SPATA4: variants seen among roughly 807,000 people sequenced by gnomAD.
SPATA4 encodes the protein spermatogenesis-associated protein 4.
In SPATA4, 35 loss-of-function variants were observed where a neutral mutation model predicts 31.8. The ratio of observed to expected loss-of-function variants is 1.10; its 90% CI spans 0.84 to 1.46. SPATA4 has a LOEUF of 1.46. Ranked by LOEUF, SPATA4 falls within the 40% of genes most tolerant of loss-of-function variation. The pLI is 0.00. For missense variants in SPATA4, 394 were observed against 363.1 expected (o/e 1.09, Z -0.69); for synonymous variants, 126 against 132.4 (o/e 0.95, Z 0.33).
Position 176,184,597 on chromosome 4 carries a change from A to G in SPATA4, c.*183T>C, listed in dbSNP as rs369423332. ...TAATTTATTTAATTTTGTATTTTCA[A>G]CAATGCCTGGCATAGGAGTTTAATA... On this transcript the variant is annotated 3_prime_UTR_variant, in exon 6 of 6. Transcript: ENST00000280191. The G allele has an allele frequency of 2.3e-5, 9 of 394,422 alleles. 1 individual carries two copies. The highest frequency in any genetic ancestry group is 1.4e-4 in the African/African-American group (7 of 48,542). The allele number at this position is 394,422 out of a possible 1,614,324, so 24.4% of individuals were successfully genotyped here.
chr4:176,195,428 C>A lies in SPATA4; in HGVS notation c.135G>T (p.Ala45=). 6.2e-6 allele frequency: 10 copies of A among 1,614,250 alleles called. No individual in the cohort carries two copies. Among genetic ancestry groups the A allele is most frequent in the Non-Finnish European group, 8.5e-6 (10 of 1,180,052 alleles). The stretch of plus-strand genomic sequence containing the variant: ...AACGAGACAAGCGGGAGCTCTTCGG[C>A]GCATGCGGATAGACCAGACACTTCT... ...RPKKCLVYPH[A]PKSSRLSRSV... The change falls in exon 1 of 6, where the codon GCG becomes GCT. Residue 45 remains alanine (A), a synonymous_variant. Transcript: ENST00000280191.
In SPATA4 at chr4:176,195,465, C is replaced by A. The variant is rs755355361; in HGVS notation, c.98G>T (p.Arg33Leu). 1.9e-6 allele frequency: 3 copies of A among 1,614,254 alleles called. No homozygotes were observed. The South Asian group carries it at 3.3e-5, about 18-fold the overall frequency. Residue 33 changes from arginine (R) to leucine (L), a missense_variant, in exon 1 of 6, where the codon CGA becomes CTA. Transcript: ENST00000280191. The part of the protein sequence containing the change: ...SLSPQLAAPI[R>L]GRPKKCLVYP... ...GACCAGACACTTCTTAGGCCTCCCT[C>A]GGATGGGAGCTGCTAGCTGTGGCGA...
chr4:176,193,774 T>A (rs746064640), intron 1 of SPATA4, 192 bp from the exon 2 acceptor site: 10 of 485,332 alleles, frequency 2.1e-5, no homozygotes, highest in Non-Finnish European at 3.4e-5. Context: ...GCTTTGGTGT[T>A]CTTTTGATGA....
intron 5 of SPATA4, among the ~76,000 whole-genome samples, chr4:176,185,532 T>C (rs1224621113): frequency 6.6e-6 from 1 of 152,194 alleles, no homozygotes; most frequent in East Asian, 1.9e-4. Context: ...TTCAGTGCCA[T>C]TATATGAAAT....
At position 176,188,045 on chromosome 4, in the gene SPATA4, G is replaced by A. The variant is rs181945963; in HGVS notation, c.805+74C>T. On this transcript the variant is annotated intron_variant, in intron 5 of 5. Transcript: ENST00000280191. ...ATACCAACATTTTAACTATTTAACC[G>A]TTTTTTAAAACTTTAATTGAAGAAA... 3.0e-4 allele frequency: 333 copies of A among 1,100,764 alleles called. 1 individual carries two copies. Among genetic ancestry groups the A allele is most frequent in the Admixed American group, 1.7e-3 (99 of 56,750 alleles). 68.2% of individuals were successfully genotyped at this position (1,100,764 alleles called of 1,614,324 possible). A position where few individuals can be genotyped will look rare whatever the true frequency, so the allele number is the denominator to read the frequency against.
intron 4 of SPATA4, among the ~76,000 whole-genome samples, chr4:176,191,200 A>G (rs550952460): frequency 2.4e-3 from 365 of 150,818 alleles, no homozygotes; most frequent in Non-Finnish European, 4.4e-3. Flanking sequence ...GGTTCAAGCC[A>G]TTCTCCTGCT....
At chr4:176,193,396 G>A in intron 2 of SPATA4, 57 bp downstream of exon 2, 1 of 1,578,288 alleles carries the variant, frequency 6.3e-7, no homozygotes, top group Non-Finnish European at 8.6e-7. Context: ...AAATTAGCAT[G>A]GCACACTTTA....
rs1473685216 is a variant in SPATA4 at position 176,188,179 on chromosome 4, G to C, written c.745C>G (p.Gln249Glu). 1.9e-6 allele frequency: 3 copies of C among 1,613,160 alleles called. No individual in the cohort carries two copies. The Admixed American group carries it at 5.0e-5, about 27-fold the overall frequency. Residue 249 changes from glutamine (Q) to glutamate (E), a missense_variant, in exon 5 of 6, where the codon CAA becomes GAA. Gln to Glu is a conservative substitution (Grantham distance 29). Coordinates refer to ENST00000280191, the MANE Select transcript of SPATA4 (RefSeq NM_144644.4). ...AAATTATATCTGCGCCCAGAGGCTT[G>C]GGCAGGAAGGTGATTGAGAGTAACT... ...GEVTLNHLPA[Q>E]ASGRRYNLKV...
At chr4:176,185,561 G>C (rs1752427606) in intron 5 of SPATA4, among the ~76,000 whole-genome samples, 1 of 152,188 alleles carries the variant, frequency 6.6e-6, no homozygotes, top group Non-Finnish European at 1.5e-5. Context: ...GTAAAACAGA[G>C]TTACGTTCCT....
chr4:176,194,126 A>G (rs1752575990), intron 1 of SPATA4: 1 of 152,820 alleles, frequency 6.5e-6, no homozygotes, highest in South Asian at 2.1e-4. Context: ...GTCACCTTTT[A>G]GTCATCAGAT....
Position 176,188,076 on chromosome 4 carries a change from G to C in SPATA4, c.805+43C>G. On this transcript the variant is annotated intron_variant, in intron 5 of 5. Coordinates refer to ENST00000280191, the MANE Select transcript of SPATA4 (RefSeq NM_144644.4). ...TAAAACTTTAATTGAAGAAAGTCAA[G>C]CAAAAAAAAATCAATTTTAAGAAGC... 2.8e-6 allele frequency: 4 copies of C among 1,409,218 alleles called. No homozygotes were observed. The South Asian group carries it at 3.6e-5, about 13-fold the overall frequency. 87.3% of individuals were successfully genotyped at this position (1,409,218 alleles called of 1,614,324 possible).
intron 1 of SPATA4, 172 bp from the exon 2 acceptor site, chr4:176,193,754 CG>C (rs1239527392): frequency 3.4e-6 from 2 of 589,022 alleles, no homozygotes; most frequent in East Asian, 6.9e-5. Flanking sequence ...AGATTATCTA[CG>C]TTTCAAAGGC....
chr4:176,195,112 C>A (rs1268927727), intron 1 of SPATA4, among the ~76,000 whole-genome samples: 1 of 152,180 alleles, frequency 6.6e-6, no homozygotes, highest in Non-Finnish European at 1.5e-5. Flanking sequence ...GTCACCAAAG[C>A]ATTCTATATT....
At chr4:176,190,086 A>G (rs1752504338) in intron 4 of SPATA4, among the ~76,000 whole-genome samples, 1 of 152,162 alleles carries the variant, frequency 6.6e-6, no homozygotes, top group Non-Finnish European at 1.5e-5. Flanking sequence ...TTTTCTTTAC[A>G]ATGTCTATAA....
Position 176,193,043 on chromosome 4 carries a change from C to A in SPATA4, c.382G>T (p.Glu128Ter), listed in dbSNP as rs927241725. ...CAATGAATTGTTCCATGGATTAGTT[C>A]TTTAGGTAATTTAAATTTTTTTCTT... ...LARKKFKLPK[E>*]LIHGTIHCKA... Residue 128 changes from glutamate to a stop codon, truncating the protein, a stop_gained, in exon 3 of 6, where the codon GAA becomes TAA. Coordinates refer to ENST00000280191, the MANE Select transcript of SPATA4 (RefSeq NM_144644.4). LOFTEE classifies it high-confidence loss of function. 2 of 1,598,458 alleles carry A rather than the reference C, an allele frequency of 1.3e-6. No homozygotes were observed. The highest frequency in any genetic ancestry group is 2.7e-5 in the African/African-American group (2 of 74,082).
At chr4:176,192,362 G>A (rs1048302056) in intron 4 of SPATA4, among the ~76,000 whole-genome samples, 4 of 152,150 alleles carry the variant, frequency 2.6e-5, no homozygotes, top group Admixed American at 6.5e-5. Flanking sequence ...CTTGTGAAAG[G>A]TTACAAGAAT....
chr4:176,184,640 A>G lies in SPATA4; in HGVS notation c.*140T>C. On this transcript the variant is annotated 3_prime_UTR_variant, in exon 6 of 6. Coordinates refer to ENST00000280191, the MANE Select transcript of SPATA4 (RefSeq NM_144644.4). ...GTTTAATAAACAAATTGAATGGAAA[A>G]GAAATGTTCTTTAACACAATTATGG... is the stretch of plus-strand genomic sequence containing the variant. 2 of 444,350 alleles carry G rather than the reference A, an allele frequency of 4.5e-6. No individual in the cohort carries two copies. The highest frequency in any genetic ancestry group is 8.0e-6 in the Non-Finnish European group (2 of 250,748). The allele number at this position is 444,350 out of a possible 1,614,324, so 27.5% of individuals were successfully genotyped here.
chr4:176,186,230 C>T (rs186628802), intron 5 of SPATA4, among the ~76,000 whole-genome samples: 319 of 152,282 alleles, frequency 2.1e-3, no homozygotes, highest in Middle Eastern at 0.017. Flanking sequence ...GGAAGGAAGC[C>T]GTGCTGTGAC....
intron 4 of SPATA4, among the ~76,000 whole-genome samples, chr4:176,188,533 GAA>G (rs1296582228): frequency 6.6e-6 from 1 of 152,136 alleles, no homozygotes; most frequent in Non-Finnish European, 1.5e-5. Context: ...TCACTCCAAT[GAA>G]TGTGTGAGTG....
Sources: gnomAD v4.1 joint callset for allele counts (sites outside exome capture counted in the v4.1 genomes callset) on GRCh38, gnomAD v4.1.1 for gene constraint, MANE v1.5 for transcripts, NCBI Gene and HGNC (gene_info 2026-07-23, HGNC 2026-07-21) for gene names.